Variants in SDCCAG8 observed in about 807,000 individuals in gnomAD.
The protein encoded by SDCCAG8 is serologically defined colon cancer antigen 8.
Under a neutral mutation model 101.8 loss-of-function variants are expected in SDCCAG8, and 74 were observed. The observed-to-expected ratio is 0.73, with a 90% CI of 0.60 to 0.88. The LOEUF (loss-of-function observed/expected upper bound fraction) is 0.88. Ranked by LOEUF, SDCCAG8 falls within the 40% of genes least tolerant of loss-of-function variation. The pLI, the probability that SDCCAG8 is intolerant of heterozygous loss-of-function variation, is 0.00. For missense variants in SDCCAG8, 787 were observed against 822.6 expected (o/e 0.96, Z 0.53); for synonymous variants, 281 against 292.9 (o/e 0.96, Z 0.41).
At chr1:243,368,701 G>A (rs1192512887) in intron 12 of SDCCAG8, among the ~76,000 whole-genome samples, 1 of 152,100 alleles carries the variant, frequency 6.6e-6, no homozygotes, top group Non-Finnish European at 1.5e-5. Flanking sequence ...ACTAAAAACA[G>A]TCAACTCCCA....
chr1:243,310,567 A>G (rs529216473), intron 8 of SDCCAG8, among the ~76,000 whole-genome samples: 51 of 152,294 alleles, frequency 3.3e-4, no homozygotes, highest in Non-Finnish European at 6.5e-4. Context: ...TATAAAAAAT[A>G]TCTTATAATT....
At chr1:243,330,908 CAGTT>C (rs1432836651) in intron 10 of SDCCAG8, among the ~76,000 whole-genome samples, 2 of 152,098 alleles carry the variant, frequency 1.3e-5, no homozygotes, top group Non-Finnish European at 2.9e-5. Context: ...ATAAAATAAT[CAGTT>C]AGATTCCATA....
intron 12 of SDCCAG8, among the ~76,000 whole-genome samples, chr1:243,362,827 T>G (rs889499345): frequency 1.2e-4 from 19 of 152,234 alleles, no homozygotes; most frequent in Non-Finnish European, 4.4e-5. Flanking sequence ...TCATTTGCCT[T>G]ATTGTTTATC....
At chr1:243,433,269 G>A (rs776856014) in intron 16 of SDCCAG8, among the ~76,000 whole-genome samples, 11 of 151,246 alleles carry the variant, frequency 7.3e-5, no homozygotes. Context: ...GGAGAACTGC[G>A]TGAACTCGGA....
chr1:243,270,997 G>C lies in SDCCAG8; in HGVS notation c.240G>C (p.Leu80Phe), dbSNP rs747215236. 6 of 1,613,212 alleles carry C rather than the reference G, an allele frequency of 3.7e-6. No homozygotes were observed. The South Asian group carries it at 4.4e-5, about 12-fold the overall frequency. ...CTATAGTTAATCAGCTCAAAGATTT[G>C]TTGCGCCAACAAGCAGATAAGGAAA... ...QSHAVNQLKD[L>F]LRQQADKESE... Residue 80 changes from leucine (L) to phenylalanine (F), a missense_variant, in exon 3 of 18, where the codon TTG becomes TTC. By Grantham distance (22) the Leu-to-Phe change is conservative (BLOSUM62 0). Coordinates refer to ENST00000366541, the MANE Select transcript of SDCCAG8 (RefSeq NM_006642.5).
chr1:243,411,140 G>A (rs1443203653), intron 13 of SDCCAG8, among the ~76,000 whole-genome samples: 1 of 151,880 alleles, frequency 6.6e-6, no homozygotes, highest in African/African-American at 2.4e-5. Flanking sequence ...TTGAGACAGG[G>A]TCTCACTCTG....
chr1:243,300,811 A>G (rs372157772), intron 6 of SDCCAG8, among the ~76,000 whole-genome samples: 1 of 152,182 alleles, frequency 6.6e-6, no homozygotes, highest in African/African-American at 2.4e-5. Context: ...CACTAGAGCA[A>G]TTTATGAACA....
intron 17 of SDCCAG8, among the ~76,000 whole-genome samples, chr1:243,498,959 G>A (rs543488408): frequency 1.3e-5 from 2 of 152,356 alleles, no homozygotes; most frequent in Admixed American, 6.5e-5. Context: ...TCTAGAGGGC[G>A]AGGACTGTGG....
chr1:243,293,251 C>CT lies in SDCCAG8; in HGVS notation c.675+40dup, dbSNP rs756676848. On this transcript the variant is annotated intron_variant, in intron 6 of 17. Transcript: ENST00000366541. ...ATTTGGGTGCTTTTCTCTTATACAT[C>CT]TTTTTTTTCTTTTTCTCTTTTGTAC... 4.2e-5 allele frequency: 68 copies of CT among 1,600,850 alleles called. No homozygotes were observed. The Admixed American group carries it at 4.8e-4, about 11-fold the overall frequency.
rs1008005745 is a variant in SDCCAG8, at chr1:243,378,643, A to G, written c.1474-78A>G. ...TTTTATCAAATTGAAATTCATGGCAAAAAATAAAAATGAGCTAATTTTGAA... is the reference window on the plus strand; with the variant it reads ...TTTTATCAAATTGAAATTCATGGCAGAAAATAAAAATGAGCTAATTTTGAA... On this transcript the variant is annotated intron_variant, in intron 12 of 17. Coordinates refer to ENST00000366541, the MANE Select transcript of SDCCAG8 (RefSeq NM_006642.5). 11 of 1,499,340 alleles carry G rather than the reference A, an allele frequency of 7.3e-6. No individual in the cohort carries two copies. In the Admixed American group the frequency reaches 2.0e-4, roughly 27 times the overall value. The allele number at this position is 1,499,340 out of a possible 1,614,324, so 92.9% of individuals were successfully genotyped here.
At chr1:243,341,262 T>A in intron 11 of SDCCAG8, 89 bp downstream of exon 11, 1 of 1,461,992 alleles carries the variant, frequency 6.8e-7, no homozygotes. Context: ...CTTACTGTTA[T>A]CAGGAGGAAG....
At chr1:243,295,488 G>C (rs1461471434) in intron 6 of SDCCAG8, among the ~76,000 whole-genome samples, 2 of 151,968 alleles carry the variant, frequency 1.3e-5, no homozygotes, top group Non-Finnish European at 2.9e-5. Flanking sequence ...CACCCGCCTC[G>C]GCCTCCCAAA....
rs537868826 is a variant in SDCCAG8 at position 243,335,543 on chromosome 1, A to G, written c.1221+4851A>G. 2.6e-5 allele frequency among the ~76,000 whole-genome samples: 4 copies of G among 152,310 alleles called. No homozygotes were observed. The East Asian group carries it at 7.7e-4, about 29-fold the overall frequency. ...CTGGCAGTATTCCAGGTGCCTTCAT[A>G]TGTAACAGAACCTCTCTTTTACTGA... is the stretch of plus-strand genomic sequence containing the variant. On this transcript the variant is annotated intron_variant, in intron 10 of 17. Coordinates refer to ENST00000366541, the MANE Select transcript of SDCCAG8 (RefSeq NM_006642.5).
intron 16 of SDCCAG8, among the ~76,000 whole-genome samples, chr1:243,465,622 TC>T (rs1659979375): frequency 6.6e-6 from 1 of 152,172 alleles, no homozygotes; most frequent in African/African-American, 2.4e-5. Context: ...GCTTAACCTT[TC>T]AGATTTTCAG....
chr1:243,483,374 G>T (rs1401171690), intron 16 of SDCCAG8, among the ~76,000 whole-genome samples: 1 of 152,138 alleles, frequency 6.6e-6, no homozygotes, highest in Non-Finnish European at 1.5e-5. Context: ...GATCCTGGAG[G>T]CTGCTGAGCA....
intron 16 of SDCCAG8, among the ~76,000 whole-genome samples, chr1:243,478,825 G>C (rs1184016168): frequency 1.3e-5 from 2 of 152,022 alleles, no homozygotes; most frequent in Non-Finnish European, 2.9e-5. Context: ...GAGCGTGGTG[G>C]TGTGTGCCTG....
rs567762550 is a variant in SDCCAG8 at position 243,442,647 on chromosome 1, C to T, written c.1985+16089C>T. Among the ~76,000 whole-genome samples the T allele has an allele frequency of 2.2e-4, 33 of 152,120 alleles. No homozygotes were observed. In the South Asian group the frequency reaches 5.4e-3, roughly 25 times the overall value. ...AAAAGTATAGCCACAAAAGTTCTTT[C>T]CACTCATGTGTGGATCTTTCCAGTT... On this transcript the variant is annotated intron_variant, in intron 16 of 17. Transcript: ENST00000366541.
rs936049249 is a variant in SDCCAG8, at chr1:243,389,820, G to A, written c.1616+10957G>A. ...ATCCAGGAGGGAGGAGAGTAGGCAG[G>A]GGATGAAGGGCAAAAGCTTGTTTCA... On this transcript the variant is annotated intron_variant, in intron 13 of 17. Coordinates refer to ENST00000366541, the MANE Select transcript of SDCCAG8 (RefSeq NM_006642.5). 2.6e-5 allele frequency among the ~76,000 whole-genome samples: 4 copies of A among 152,208 alleles called. No individual in the cohort carries two copies. The South Asian group carries it at 8.3e-4, about 32-fold the overall frequency.
chr1:243,300,301 C>A (rs566523814), intron 6 of SDCCAG8, among the ~76,000 whole-genome samples: 59 of 152,222 alleles, frequency 3.9e-4, no homozygotes, highest in Middle Eastern at 6.8e-3. Context: ...TATATCTATT[C>A]TGTCATAAAA....
Sources: allele counts gnomAD v4.1 joint callset (sites outside exome capture counted in the v4.1 genomes callset), GRCh38; gene constraint gnomAD v4.1.1; transcripts MANE v1.5; gene names NCBI Gene and HGNC (gene_info 2026-07-23, HGNC 2026-07-21).